Variants in PCDHGB2 observed in about 807,000 individuals in gnomAD.
PCDHGB2 encodes protocadherin gamma-B2.
PCDHGB2 carries 55 observed loss-of-function variants against 59.3 expected under a neutral mutation model. The observed-to-expected ratio is 0.93, with a 90% CI of 0.75 to 1.16. The LOEUF is 1.16. Among genes scored for constraint, PCDHGB2 ranks in the 50% most tolerant of loss-of-function variants. The pLI, the probability that PCDHGB2 is intolerant of heterozygous loss-of-function variation, is 0.00. For missense variants in PCDHGB2, 1,228 were observed against 1,198.5 expected, an observed-to-expected ratio of 1.02 and a Z score of -0.36; for synonymous variants, 516 against 512.0, an observed-to-expected ratio of 1.01 and a Z score of -0.11.
In PCDHGB2 at chr5:141,361,956, C is replaced by T; in HGVS notation, c.1821C>T (p.His607=). The change falls in exon 1 of 4, where the codon CAC becomes CAT. Residue 607 remains histidine (H), a synonymous_variant. Coordinates refer to ENST00000522605, the MANE Select transcript of PCDHGB2 (RefSeq NM_018923.3). ...DSGHNAWLSY[H]VLQASEPGLF... ...GACACAACGCTTGGCTGTCCTACCA[C>T]GTGCTGCAGGCCAGCGAGCCCGGGC... is the stretch of plus-strand genomic sequence containing the variant. 1.9e-6 allele frequency: 3 copies of T among 1,603,312 alleles called. No homozygotes were observed. Among genetic ancestry groups the T allele is most frequent in the Non-Finnish European group, 1.7e-6 (2 of 1,176,996 alleles).
intron 1 of PCDHGB2, chr5:141,398,010 G>A: frequency 7.1e-7 from 1 of 1,408,980 alleles, no homozygotes; most frequent in South Asian, 1.5e-5. Context: ...AAAAAGAATC[G>A]TTTCCTAAAC....
intron 1 of PCDHGB2, among the ~76,000 whole-genome samples, chr5:141,438,370 A>G (rs2097956460): frequency 1.3e-5 from 2 of 152,004 alleles, no homozygotes; most frequent in South Asian, 4.2e-4. Context: ...CATTGAGGGC[A>G]GATATAATTT....
rs145025535 is a variant in PCDHGB2 at position 141,457,569 on chromosome 5, T to A, written c.2422-37238T>A. 2.5e-3 allele frequency among the ~76,000 whole-genome samples: 376 copies of A among 152,304 alleles called. 1 individual carries two copies. Among genetic ancestry groups the A allele is most frequent in the African/African-American group, 8.6e-3 (357 of 41,554 alleles). On this transcript the variant is annotated intron_variant, in intron 1 of 3. Transcript: ENST00000522605. Reference sequence around the variant, plus strand: ...TGTATGATAAGCTTTGGAGCAAAATTTTTCTCTCCAGTCCTCATTTTTGGT... The same window carrying A: ...TGTATGATAAGCTTTGGAGCAAAATATTTCTCTCCAGTCCTCATTTTTGGT...
chr5:141,405,375 C>T lies in PCDHGB2; in HGVS notation c.2421+42819C>T, dbSNP rs368501516. On this transcript the variant is annotated intron_variant, in intron 1 of 3. Transcript: ENST00000522605. ...CCTATAGAAGACACCCCTTTGGTTC[C>T]GGTGAGTTCATTTTTTTTCTTTCTT... The T allele has an allele frequency of 3.2e-5, 51 of 1,602,124 alleles. No individual in the cohort carries two copies. Among genetic ancestry groups the T allele is most frequent in the East Asian group, 6.7e-5 (3 of 44,850 alleles).
intron 1 of PCDHGB2, chr5:141,421,352 AGG>A: frequency 6.2e-7 from 1 of 1,613,946 alleles, no homozygotes; most frequent in Non-Finnish European, 8.5e-7. Context: ...GAGACCGAAA[AGG>A]GCTCCTTCGT....
chr5:141,363,560 T>C (rs1191147293), intron 1 of PCDHGB2, among the ~76,000 whole-genome samples: 1 of 152,198 alleles, frequency 6.6e-6, no homozygotes, highest in East Asian at 1.9e-4. Context: ...AACATGGTAA[T>C]AGAAAAACAT....
intron 1 of PCDHGB2, chr5:141,426,765 G>A (rs1343961009): frequency 1.8e-5 from 8 of 456,530 alleles, no homozygotes; most frequent in Non-Finnish European, 3.5e-5. Flanking sequence ...AGATGCAGAT[G>A]TAGGGCCTCA....
At chr5:141,372,985 G>A (rs1018239187) in intron 1 of PCDHGB2, 2 of 639,950 alleles carry the variant, frequency 3.1e-6, no homozygotes, top group Non-Finnish European at 5.2e-6. Context: ...TATCTGTGTT[G>A]CAGTTGTTCT....
intron 1 of PCDHGB2, chr5:141,376,375 T>G (rs896572311): frequency 8.7e-6 from 14 of 1,614,090 alleles, no homozygotes; most frequent in African/African-American, 2.7e-5. Flanking sequence ...CAGACTCGCG[T>G]AAGAGTCATC....
At chr5:141,451,812 C>T (rs974567828) in intron 1 of PCDHGB2, among the ~76,000 whole-genome samples, 1 of 149,686 alleles carries the variant, frequency 6.7e-6, no homozygotes, top group Non-Finnish European at 1.5e-5. Context: ...ACCCAGGAGG[C>T]GGAGGTTACA....
At chr5:141,461,312 C>T (rs1318872213) in intron 1 of PCDHGB2, among the ~76,000 whole-genome samples, 1 of 152,064 alleles carries the variant, frequency 6.6e-6, no homozygotes, top group African/African-American at 2.4e-5. Flanking sequence ...TGTTTTTTGA[C>T]TTTTTAATAA....
chr5:141,478,668 T>G (rs1411369994), intron 1 of PCDHGB2: 40 of 1,551,660 alleles, frequency 2.6e-5, no homozygotes, highest in Non-Finnish European at 3.4e-5. Flanking sequence ...CATTCACACT[T>G]TCAACTGGCC....
intron 1 of PCDHGB2, chr5:141,413,963 C>T (rs1368202031): frequency 6.8e-6 from 11 of 1,613,446 alleles, no homozygotes; most frequent in Non-Finnish European, 9.3e-6. Context: ...CCTGTGGGCA[C>T]TCAGCTGCTG....
rs17097231 is a variant in PCDHGB2, at chr5:141,360,212, C to G, written c.77C>G (p.Pro26Arg). ...VLLPFLLSLF[P>R]GALPVQIRYS... ...TTGCCCTTCCTGTTGTCTTTGTTCC[C>G]CGGGGCTCTCCCAGTCCAGATCCGC... Residue 26 changes from proline to arginine, a missense_variant, in exon 1 of 4, where the codon CCC becomes CGC. Pro to Arg is a moderately radical substitution (Grantham distance 103, BLOSUM62 -2). Around this residue, in one of 3 missense-constraint regions of PCDHGB2, gnomAD observed 781 missense variants for 721.6 expected, o/e 1.08. Coordinates refer to ENST00000522605, the MANE Select transcript of PCDHGB2 (RefSeq NM_018923.3). 0.098 allele frequency: 158,148 copies of G among 1,612,832 alleles called. 8,576 individuals are homozygous for G. Among genetic ancestry groups the G allele is most frequent in the African/African-American group, 0.15 (11,017 of 74,938 alleles).
At chr5:141,501,881 C>T (rs1396427606) in intron 2 of PCDHGB2, among the ~76,000 whole-genome samples, 1 of 152,124 alleles carries the variant, frequency 6.6e-6, no homozygotes, top group East Asian at 1.9e-4. Context: ...CCTTACACTC[C>T]TGATCATCAT....
At chr5:141,409,920 C>T (rs759433257) in intron 1 of PCDHGB2, 2 of 1,613,400 alleles carry the variant, frequency 1.2e-6, no homozygotes, top group Non-Finnish European at 1.7e-6. Flanking sequence ...GACGGCTCCG[C>T]GTTCTTCGAT....
At chr5:141,386,383 A>C (rs980668572) in intron 1 of PCDHGB2, among the ~76,000 whole-genome samples, 5 of 152,206 alleles carry the variant, frequency 3.3e-5, no homozygotes, top group Admixed American at 2.6e-4. Context: ...GTATTAATTA[A>C]AAACACACTT....
chr5:141,455,400 C>G (rs537466326), intron 1 of PCDHGB2, among the ~76,000 whole-genome samples: 8 of 152,274 alleles, frequency 5.3e-5, no homozygotes, highest in Admixed American at 5.2e-4. Context: ...CTCCCCCTTA[C>G]AGAGACAGAG....
chr5:141,395,317 A>G, intron 1 of PCDHGB2: 1 of 1,488,840 alleles, frequency 6.7e-7, no homozygotes, highest in Non-Finnish European at 9.0e-7. Flanking sequence ...AACATTGTGA[A>G]GATAGTTGAA....
Sources: allele counts gnomAD v4.1 joint callset (sites outside exome capture counted in the v4.1 genomes callset), GRCh38; gene constraint gnomAD v4.1.1; regional missense constraint gnomAD v4.1.1; transcripts MANE v1.5; gene names NCBI Gene and HGNC (gene_info 2026-07-23, HGNC 2026-07-21).